PLCG2: variants seen among roughly 807,000 people sequenced by gnomAD.
The protein encoded by PLCG2 is phospholipase C gamma 2.
PLCG2 carries 69 observed loss-of-function variants against 175.6 expected under a neutral mutation model. The observed-to-expected ratio is 0.39, with a 90% CI of 0.32 to 0.48. The LOEUF is 0.48. Ranked by LOEUF, PLCG2 falls within the 20% of genes least tolerant of loss-of-function variation. The pLI, the probability that PLCG2 is intolerant of heterozygous loss-of-function variation, is 0.91. For missense variants in PLCG2, 1,798 were observed against 1,650.9 expected, an observed-to-expected ratio of 1.09 and a Z score of -1.54; for synonymous variants, 827 against 624.0, an observed-to-expected ratio of 1.33 and a Z score of -4.85.
intron 2 of PLCG2, among the ~76,000 whole-genome samples, chr16:81,803,995 G>T (rs1911879417): frequency 1.3e-5 from 2 of 152,172 alleles, no homozygotes; most frequent in African/African-American, 2.4e-5. Flanking sequence ...TTTGGTTATT[G>T]TGAATAATAC....
At position 81,749,118 on chromosome 16, in the gene PLCG2, C is replaced by T. The variant is rs781594171; in HGVS notation, c.-144-6752C>T. Among the ~76,000 whole-genome samples the T allele has an allele frequency of 1.8e-4, 27 of 152,042 alleles. 1 individual carries two copies. The highest frequency in any genetic ancestry group is 2.1e-4 in the South Asian group (1 of 4,822). On this transcript the variant is annotated intron_variant, in intron 1 of 5. Coordinates refer to the PLCG2 transcript ENST00000565054. ...GTCAGGAAACAGCAGTCTAGGATGCCGGGCAGCCAAACCAGGGTTTGATTT... is the reference window on the plus strand; with the variant it reads ...GTCAGGAAACAGCAGTCTAGGATGCTGGGCAGCCAAACCAGGGTTTGATTT...
chr16:81,822,437 T>G (rs910060300), intron 2 of PLCG2, among the ~76,000 whole-genome samples: 3 of 152,068 alleles, frequency 2.0e-5, no homozygotes, highest in African/African-American at 7.2e-5. Context: ...CCCAGGTGGA[T>G]CCAGTGTGTT....
chr16:81,955,230 T>G (rs975233757), intron 31 of PLCG2, among the ~76,000 whole-genome samples: 1 of 152,204 alleles, frequency 6.6e-6, no homozygotes, highest in Non-Finnish European at 1.5e-5. Flanking sequence ...GGGGACTGTT[T>G]TGTTAGGTCA....
intron 2 of PLCG2, among the ~76,000 whole-genome samples, chr16:81,811,202 C>A (rs1247314982): frequency 1.3e-5 from 2 of 152,198 alleles, no homozygotes; most frequent in African/African-American, 4.8e-5. Context: ...CTGTGTGACT[C>A]CCTCCTTGGG....
intron 2 of PLCG2, among the ~76,000 whole-genome samples, chr16:81,826,954 C>T (rs1353273394): frequency 3.9e-5 from 6 of 152,118 alleles, no homozygotes; most frequent in African/African-American, 1.2e-4. Flanking sequence ...CCTGTGGATC[C>T]GATGAGATGA....
chr16:81,877,808 G>A (rs971936685), intron 7 of PLCG2, among the ~76,000 whole-genome samples: 23 of 149,862 alleles, frequency 1.5e-4, no homozygotes, highest in Admixed American at 1.3e-3. Flanking sequence ...TCATTGCATC[G>A]CTCCTTGGCT....
At chr16:81,821,212 C>G (rs1027887857) in intron 2 of PLCG2, among the ~76,000 whole-genome samples, 1 of 152,210 alleles carries the variant, frequency 6.6e-6, no homozygotes, top group African/African-American at 2.4e-5. Context: ...CCCGCTTTAT[C>G]AGATTGTTGT....
Position 81,880,926 on chromosome 16 carries a change from A to G in PLCG2, c.665A>G (p.Lys222Arg). The change falls in exon 8 of 33, where the codon AAA becomes AGA. Residue 222 changes from lysine to arginine, a missense_variant. Lys to Arg is a conservative substitution (Grantham distance 26). Coordinates refer to ENST00000564138, the MANE Select transcript of PLCG2 (RefSeq NM_002661.5). Reference sequence around the variant, plus strand: ...CCATTTCAGATTCTCGATGAATTCAAAAAGGATTCGTCCGTGTTCATCCTG... The same window carrying G: ...CCATTTCAGATTCTCGATGAATTCAGAAAGGATTCGTCCGTGTTCATCCTG... ...EQQKSILDEF[K>R]KDSSVFILGN... 1.2e-6 allele frequency: 2 copies of G among 1,614,194 alleles called. No homozygotes were observed. Among genetic ancestry groups the G allele is most frequent in the Non-Finnish European group, 1.7e-6 (2 of 1,180,012 alleles).
chr16:81,927,399 G>A (rs139989281), intron 23 of PLCG2, among the ~76,000 whole-genome samples: 1 of 152,190 alleles, frequency 6.6e-6, no homozygotes, highest in Non-Finnish European at 1.5e-5. Context: ...AGGTTGTGTT[G>A]GGCTTGGAAG....
intron 2 of PLCG2, among the ~76,000 whole-genome samples, chr16:81,824,200 C>G (rs1279878989): frequency 1.4e-5 from 2 of 147,110 alleles, no homozygotes; most frequent in Non-Finnish European, 3.0e-5. Context: ...ATGGCGTGAT[C>G]TCAGCTCACC....
At chr16:81,780,838 C>T (rs1180010990) in intron 1 of PLCG2, among the ~76,000 whole-genome samples, 1 of 152,174 alleles carries the variant, frequency 6.6e-6, no homozygotes, top group Non-Finnish European at 1.5e-5. Flanking sequence ...ACCAGCCTCA[C>T]CAACATGGTG....
chr16:81,826,544 C>T (rs1329687590), intron 2 of PLCG2, among the ~76,000 whole-genome samples: 2 of 152,220 alleles, frequency 1.3e-5, no homozygotes, highest in Non-Finnish European at 2.9e-5. Flanking sequence ...ATGTAACAAG[C>T]ACTTAGAATA....
At chr16:81,918,542 A>G (rs1909935550) in intron 19 of PLCG2, among the ~76,000 whole-genome samples, 1 of 152,158 alleles carries the variant, frequency 6.6e-6, no homozygotes, top group Non-Finnish European at 1.5e-5. Context: ...ATCTTTATTG[A>G]AGATCAGTTG....
intron 14 of PLCG2, 119 bp from the exon 15 acceptor site, chr16:81,905,284 G>C: frequency 1.5e-6 from 1 of 688,184 alleles, no homozygotes; most frequent in East Asian, 2.7e-5. Flanking sequence ...AGGGAAGCCA[G>C]GCAGCAAGAA....
intron 3 of PLCG2, among the ~76,000 whole-genome samples, chr16:81,855,552 T>A (rs562314256): frequency 6.6e-6 from 1 of 152,342 alleles, no homozygotes; most frequent in African/African-American, 2.4e-5. Flanking sequence ...GCCTATACTC[T>A]GTGTTAGGTT....
At chr16:81,889,114 A>G (rs1908510248) in intron 9 of PLCG2, 58 bp from the exon 10 acceptor site, 1 of 1,042,034 alleles carries the variant, frequency 9.6e-7, no homozygotes, top group African/African-American at 1.6e-5. Context: ...ACCCTGGGAA[A>G]TGAAGAATTT....
At chr16:81,951,005 T>A (rs564394201) in intron 31 of PLCG2, among the ~76,000 whole-genome samples, 2 of 152,226 alleles carry the variant, frequency 1.3e-5, no homozygotes, top group African/African-American at 4.8e-5. Context: ...AATTTTGTTT[T>A]GAGACAGTGT....
At chr16:81,811,758 C>T (rs1258123459) in intron 2 of PLCG2, among the ~76,000 whole-genome samples, 3 of 152,170 alleles carry the variant, frequency 2.0e-5, no homozygotes, top group African/African-American at 7.2e-5. Context: ...TTTTCTTTAT[C>T]CAGTCTATCA....
At chr16:81,873,805 A>C (rs9922016) in intron 7 of PLCG2, among the ~76,000 whole-genome samples, 4 of 152,202 alleles carry the variant, frequency 2.6e-5, no homozygotes, top group Non-Finnish European at 5.9e-5. Context: ...GAAGATTTGC[A>C]CAAAAGCTGT....
Sources: allele counts gnomAD v4.1 joint callset (sites outside exome capture counted in the v4.1 genomes callset), GRCh38; gene constraint gnomAD v4.1.1; transcripts MANE v1.5; gene names NCBI Gene and HGNC (gene_info 2026-07-23, HGNC 2026-07-21).